Variants in ZBTB41 observed in about 807,000 individuals in gnomAD.
ZBTB41 encodes the protein zinc finger and BTB domain containing 41, also known as zinc finger and BTB domain-containing protein 41.
In ZBTB41, 42 loss-of-function variants were observed where a neutral mutation model predicts 87.6. The ratio of observed to expected loss-of-function variants is 0.48; its 90% CI spans 0.37 to 0.62. The LOEUF (loss-of-function observed/expected upper bound fraction) is 0.62, where lower values mean the gene tolerates loss of function less well. Ranked by LOEUF, ZBTB41 falls within the 20% of genes least tolerant of loss-of-function variation. The probability of loss-of-function intolerance (pLI) is 0.00; values close to 1 mark genes in which losing one functional copy is unlikely to be tolerated. For missense variants in ZBTB41, 799 were observed against 1,078.9 expected, an observed-to-expected ratio of 0.74 and a Z score of 3.63; for synonymous variants, 364 against 364.0, an observed-to-expected ratio of 1.00 and a Z score of 0.00.
rs1180174450 is a variant in ZBTB41, at chr1:197,172,232, G to A, written c.2002C>T (p.His668Tyr). The A allele has an allele frequency of 2.9e-6, 4 of 1,392,474 alleles. No individual in the cohort carries two copies. Among genetic ancestry groups the A allele is most frequent in the Non-Finnish European group, 2.9e-6 (3 of 1,052,270 alleles). The allele number at this position is 1,392,474 out of a possible 1,614,324, so 86.3% of individuals were successfully genotyped here. Residue 668 changes from histidine to tyrosine, a missense_variant, in exon 10 of 11, where the codon CAT (histidine) becomes TAT (tyrosine). Transcript: ENST00000367405. ...KVWQKYKATF[H>Y]QCDVCKKIFK... ...ATTTTCTTACAAACATCACATTGATGAAATGTTGCTTTATATCTAAGAAAA... is the reference window on the plus strand; with the variant it reads ...ATTTTCTTACAAACATCACATTGATAAAATGTTGCTTTATATCTAAGAAAA...
In ZBTB41 at chr1:197,177,182, G is replaced by A. The variant is rs374763782; in HGVS notation, c.1773-512C>T. Among the ~76,000 whole-genome samples, 8 of 152,216 alleles carry A rather than the reference G, an allele frequency of 5.3e-5. No homozygotes were observed. In the East Asian group the frequency reaches 1.5e-3, roughly 29 times the overall value. Reference sequence around the variant, plus strand: ...TGTAATCCCCACATATTGAAGGAGGGACCTGGTGGCAGGTAACTGGATCAT... The same window carrying A: ...TGTAATCCCCACATATTGAAGGAGGAACCTGGTGGCAGGTAACTGGATCAT... On this transcript the variant is annotated intron_variant, in intron 7 of 10. Transcript: ENST00000367405.
chr1:197,164,787 TAATACA>T (rs1557975072), intron 10 of ZBTB41, among the ~76,000 whole-genome samples: 7 of 110,808 alleles, frequency 6.3e-5, no homozygotes, highest in South Asian at 2.5e-4. Flanking sequence ...ATATTATATA[TAATACA>T]TATATAATAT....
chr1:197,159,331 C>A lies in ZBTB41; in HGVS notation c.*28G>T. On this transcript the variant is annotated 3_prime_UTR_variant, in exon 11 of 11. Coordinates refer to ENST00000367405, the MANE Select transcript of ZBTB41 (RefSeq NM_194314.3). ...TCTCTACCATTAGCATATAACCATC[C>A]AAAAATCTGTGGAATGTTTAGATTT... 1 of 1,608,030 alleles carries A rather than the reference C, an allele frequency of 6.2e-7. No individual in the cohort carries two copies. The highest frequency in any genetic ancestry group is 1.1e-5 in the South Asian group (1 of 90,702).
intron 3 of ZBTB41, among the ~76,000 whole-genome samples, chr1:197,191,066 A>G (rs1660018631): frequency 6.6e-6 from 1 of 152,076 alleles, no homozygotes; most frequent in Admixed American, 6.6e-5. Context: ...TTTAGTCCAG[A>G]TTTCAGTAAA....
chr1:197,191,919 A>T lies in ZBTB41; in HGVS notation c.1121-20T>A. On this transcript the variant is annotated intron_variant, in intron 2 of 10. Coordinates refer to ENST00000367405, the MANE Select transcript of ZBTB41 (RefSeq NM_194314.3). ...ATTTTCCTATAAAAAAAGAAAAATT[A>T]AAATTAAATTTAGTACATTTGCTAT... is the stretch of plus-strand genomic sequence containing the variant. 6.5e-7 allele frequency: 1 copy of T among 1,537,520 alleles called. No individual in the cohort carries two copies. The highest frequency in any genetic ancestry group is 8.8e-7 in the Non-Finnish European group (1 of 1,142,558).
chr1:197,200,574 C>A lies in ZBTB41; in HGVS notation c.-101G>T. The A allele has an allele frequency of 1.6e-6, 2 of 1,223,114 alleles. No individual in the cohort carries two copies. Among genetic ancestry groups the A allele is most frequent in the South Asian group, 3.3e-5 (2 of 60,108 alleles). The allele number at this position is 1,223,114 out of a possible 1,614,324, so 75.8% of individuals were successfully genotyped here. ...GGATAACAGCTTCTGAAGGGGCGTG[C>A]CCAAGGGTTTCATGGTCTGCAAAAG... On this transcript the variant is annotated 5_prime_UTR_variant, in exon 2 of 11. Transcript: ENST00000367405.
chr1:197,200,373 A>G lies in ZBTB41; in HGVS notation c.101T>C (p.Val34Ala). 1 of 1,614,126 alleles carries G rather than the reference A, an allele frequency of 6.2e-7. No homozygotes were observed. Among genetic ancestry groups the G allele is most frequent in the South Asian group, 1.1e-5 (1 of 91,058 alleles). The change falls in exon 2 of 11, where the codon GTG becomes GCG. Residue 34 changes from valine (V) to alanine (A), a missense_variant. By Grantham distance (64) the Val-to-Ala change is moderately conservative. Around this residue, in one of 5 missense-constraint regions of ZBTB41, gnomAD observed 77 missense variants for 68.4 expected, o/e 1.13. Coordinates refer to ENST00000367405, the MANE Select transcript of ZBTB41 (RefSeq NM_194314.3). The stretch of plus-strand genomic sequence containing the variant: ...TCTTCCTGCAGAATGAGTATAGGTC[A>G]CTTGGTCACACTCCACTGCAACATT... ...EGNVAVECDQ[V>A]TYTHSAGRPT...
intron 7 of ZBTB41, among the ~76,000 whole-genome samples, chr1:197,177,379 C>T (rs1034086623): frequency 1.3e-5 from 2 of 152,088 alleles, no homozygotes; most frequent in African/African-American, 4.8e-5. Context: ...TTTCCTGAGG[C>T]CTTCCCAGCC....
In ZBTB41 at chr1:197,200,414, T is replaced by C. The variant is rs752170827; in HGVS notation, c.60A>G (p.Lys20=). Residue 20 remains lysine, a synonymous_variant, in exon 2 of 11, where the codon AAA becomes AAG. Coordinates refer to ENST00000367405, the MANE Select transcript of ZBTB41 (RefSeq NM_194314.3). The stretch of plus-strand genomic sequence containing the variant: ...CTGCAACATTTCCTTCTGAAGAATC[T>C]TTATGATAGCCTAGATGGATCTTCT... ...NLEKIHLGYH[K]DSSEGNVAVE... is the part of the protein sequence containing the mutation. The C allele has an allele frequency of 1.2e-6, 2 of 1,612,682 alleles. No homozygotes were observed. Among genetic ancestry groups the C allele is most frequent in the East Asian group, 2.2e-5 (1 of 44,888 alleles).
intron 7 of ZBTB41, 33 bp from the exon 8 acceptor site, chr1:197,176,703 A>G (rs1659617092): frequency 6.8e-7 from 1 of 1,467,574 alleles, no homozygotes; most frequent in Admixed American, 1.7e-5. Context: ...CACCATTAAA[A>G]CTGGTGACAT....
At chr1:197,160,225 T>C (rs1183093543) in intron 10 of ZBTB41, among the ~76,000 whole-genome samples, 1 of 152,164 alleles carries the variant, frequency 6.6e-6, no homozygotes, top group African/African-American at 2.4e-5. Context: ...ATTCTGACTA[T>C]AACACTTACT....
At chr1:197,177,834 A>C (rs1659650290) in intron 7 of ZBTB41, among the ~76,000 whole-genome samples, 1 of 152,154 alleles carries the variant, frequency 6.6e-6, no homozygotes, top group Non-Finnish European at 1.5e-5. Context: ...TTTAAACTTA[A>C]AGCAAGATAA....
intron 10 of ZBTB41, among the ~76,000 whole-genome samples, chr1:197,170,717 T>C (rs1659459006): frequency 6.6e-6 from 1 of 152,156 alleles, no homozygotes; most frequent in African/African-American, 2.4e-5. Flanking sequence ...TAGAGTTTTA[T>C]TGGAATACAG....
At chr1:197,196,172 A>G (rs1354878685) in intron 2 of ZBTB41, among the ~76,000 whole-genome samples, 1 of 152,214 alleles carries the variant, frequency 6.6e-6, no homozygotes, top group East Asian at 1.9e-4. Flanking sequence ...ACAGATAAAT[A>G]CCCCAAAATC....
rs1277518500 is a variant in ZBTB41, at chr1:197,189,407, T to C, written c.1399-968A>G. On this transcript the variant is annotated intron_variant, in intron 4 of 10. Coordinates refer to ENST00000367405, the MANE Select transcript of ZBTB41 (RefSeq NM_194314.3). Reference sequence around the variant, plus strand: ...TGGGCGTGGTAGTGTGCACCTGTAGTCCCAGCTACTCGGGAGGCTGAGGCA... The same window carrying C: ...TGGGCGTGGTAGTGTGCACCTGTAGCCCCAGCTACTCGGGAGGCTGAGGCA... Among the ~76,000 whole-genome samples, 6 of 151,628 alleles carry C rather than the reference T, an allele frequency of 4.0e-5. 1 individual carries two copies. Among genetic ancestry groups the C allele is most frequent in the Admixed American group, 2.6e-4 (4 of 15,218 alleles).
intron 7 of ZBTB41, among the ~76,000 whole-genome samples, chr1:197,177,200 T>C (rs190308377): frequency 1.6e-4 from 25 of 152,246 alleles, no homozygotes; most frequent in Admixed American, 1.6e-3. Flanking sequence ...GGCAGGTAAC[T>C]GGATCATGGG....
At chr1:197,172,105 C>T in intron 10 of ZBTB41, 55 bp downstream of exon 10, 3 of 686,824 alleles carry the variant, frequency 4.4e-6, no homozygotes, top group Non-Finnish European at 6.4e-6. Context: ...TCTGATTACA[C>T]TATATATATC....
At chr1:197,178,579 A>T in intron 6 of ZBTB41, 67 bp from the exon 7 acceptor site, 3 of 1,135,298 alleles carry the variant, frequency 2.6e-6, no homozygotes, top group Non-Finnish European at 3.7e-6. Flanking sequence ...TTTCTGGAAA[A>T]CTTACTAGAA....
intron 2 of ZBTB41, among the ~76,000 whole-genome samples, chr1:197,198,660 C>T (rs1159283470): frequency 6.6e-6 from 1 of 152,096 alleles, no homozygotes; most frequent in Non-Finnish European, 1.5e-5. Context: ...TAAACATGTA[C>T]TGACATAAAA....
Sources: gnomAD v4.1 joint callset for allele counts (sites outside exome capture counted in the v4.1 genomes callset) on GRCh38, gnomAD v4.1.1 for gene constraint, gnomAD v4.1.1 regional missense constraint, MANE v1.5 for transcripts, NCBI Gene and HGNC (gene_info 2026-07-23, HGNC 2026-07-21) for gene names.